The following DNAH8 variants were observed in gnomAD, a reference collection of about 807,000 sequenced individuals.
DNAH8 encodes dynein axonemal heavy chain 8.
Under a neutral mutation model 562.1 loss-of-function variants are expected in DNAH8, and 382 were observed. The observed-to-expected ratio is 0.68, with a 90% CI of 0.63 to 0.74. The LOEUF (loss-of-function observed/expected upper bound fraction) is 0.74. Ranked by LOEUF, DNAH8 falls within the 30% of genes least tolerant of loss-of-function variation. The pLI is 0.00. For missense variants in DNAH8, 5,203 were observed against 5,620.4 expected (o/e 0.93, Z 2.37); for synonymous variants, 1,881 against 1,919.4 (o/e 0.98, Z 0.52).
chr6:38,932,097 T>C, intron 76 of DNAH8, 104 bp downstream of exon 76: 1 of 825,320 alleles, frequency 1.2e-6, no homozygotes, highest in Non-Finnish European at 1.8e-6. Context: ...TTAAAAACCA[T>C]ATTTATCCTT....
chr6:38,737,340 A>G, intron 6 of DNAH8, 84 bp downstream of exon 6: 3 of 834,650 alleles, frequency 3.6e-6, no homozygotes, highest in Non-Finnish European at 3.3e-6. Flanking sequence ...AAAAGTTTCT[A>G]TCTTAAAAGA....
At chr6:38,766,146 T>TGTGTGTGCGTGTGTGTGTGTGA (rs1222635153) in intron 11 of DNAH8, among the ~76,000 whole-genome samples, 1 of 152,122 alleles carries the variant, frequency 6.6e-6, no homozygotes, top group African/African-American at 2.4e-5. Flanking sequence ...TGTATGTGTG[T>TGTGTGTGCGTGTGTGTGTGTGA]GTGTGTGTGT....
chr6:38,953,635 A>C (rs1369389748), intron 82 of DNAH8, among the ~76,000 whole-genome samples: 1 of 152,210 alleles, frequency 6.6e-6, no homozygotes, highest in African/African-American at 2.4e-5. Context: ...TCTACTGCCA[A>C]ATCATTTGAG....
At chr6:38,858,350 T>G (rs938035473) in intron 42 of DNAH8, among the ~76,000 whole-genome samples, 2 of 152,206 alleles carry the variant, frequency 1.3e-5, no homozygotes, top group African/African-American at 2.4e-5. Flanking sequence ...GGTATCTCTT[T>G]CCTTCATCAG....
chr6:38,778,543 T>C, intron 14 of DNAH8, 79 bp downstream of exon 14: 2 of 911,924 alleles, frequency 2.2e-6, no homozygotes, highest in Admixed American at 2.3e-5. Flanking sequence ...AATTAGGATG[T>C]TGTTGGAAAT....
rs373386629 is a variant in DNAH8 at position 38,863,443 on chromosome 6, CAACAAA to C, written c.6311-415_6311-410del. 1.2e-3 allele frequency among the ~76,000 whole-genome samples: 185 copies of C among 151,794 alleles called. 1 individual carries two copies. The highest frequency in any genetic ancestry group is 4.1e-3 in the African/African-American group (171 of 41,438). On this transcript the variant is annotated intron_variant, in intron 44 of 92. Coordinates refer to ENST00000327475, the MANE Select transcript of DNAH8 (RefSeq NM_001206927.2). ...CTCTACCAAAAAAAACAAAACAAAA[CAACAAA>C]AACAAAAACAAAAAACCCCAAAACT...
intron 28 of DNAH8, 34 bp from the exon 29 acceptor site, chr6:38,826,122 A>T: frequency 7.0e-7 from 1 of 1,426,150 alleles, no homozygotes; most frequent in Non-Finnish European, 9.6e-7. Flanking sequence ...AATGCCAGTT[A>T]TATTCTAATT....
rs75966933 is a variant in DNAH8, at chr6:38,803,538, G to C, written c.3034+227G>C. On this transcript the variant is annotated intron_variant, in intron 22 of 92. Transcript: ENST00000327475. ...TCTCAAATCCAAGTTCCCAACCCCG[G>C]TCCAGCGTTGCAAGTTGGCCTTCCT... Among the ~76,000 whole-genome samples the C allele has an allele frequency of 3.9e-3, 589 of 151,504 alleles. 9 individuals carry two copies. Among genetic ancestry groups the C allele is most frequent in the African/African-American group, 0.014 (570 of 41,286 alleles).
rs1370254113 is a variant in DNAH8 at position 38,972,526 on chromosome 6, C to T, written c.12525+861C>T. 2.0e-5 allele frequency among the ~76,000 whole-genome samples: 3 copies of T among 152,254 alleles called. No individual in the cohort carries two copies. The South Asian group carries it at 6.2e-4, about 32-fold the overall frequency. Reference sequence around the variant, plus strand: ...TTTTACTCGGATCAAATGTTTCACTCTATTGAGTGATTTGACAGTTTAACT... The same window carrying T: ...TTTTACTCGGATCAAATGTTTCACTTTATTGAGTGATTTGACAGTTTAACT... On this transcript the variant is annotated intron_variant, in intron 83 of 92. Coordinates refer to ENST00000327475, the MANE Select transcript of DNAH8 (RefSeq NM_001206927.2).
chr6:38,917,902 C>A (rs1781430828), intron 69 of DNAH8, 23 bp from the exon 70 acceptor site: 16 of 1,544,954 alleles, frequency 1.0e-5, no homozygotes, highest in Non-Finnish European at 1.4e-5. Flanking sequence ...CCAGAACTTA[C>A]AGGTTATAAT....
At position 38,787,492 on chromosome 6, in the gene DNAH8, G is replaced by A. The variant is rs557776082; in HGVS notation, c.2583+540G>A. 2.3e-4 allele frequency among the ~76,000 whole-genome samples: 35 copies of A among 152,084 alleles called. No individual in the cohort carries two copies. The South Asian group carries it at 6.9e-3, about 30-fold the overall frequency. Reference sequence around the variant, plus strand: ...TGTAATCCCAGCACTTTGGGAGGCCGAGGTGGGTGGATAACTTGAGGTCAG... The same window carrying A: ...TGTAATCCCAGCACTTTGGGAGGCCAAGGTGGGTGGATAACTTGAGGTCAG... On this transcript the variant is annotated intron_variant, in intron 18 of 92. Transcript: ENST00000327475.
At chr6:38,747,648 G>A (rs1443359559) in intron 8 of DNAH8, among the ~76,000 whole-genome samples, 3 of 152,160 alleles carry the variant, frequency 2.0e-5, no homozygotes, top group Non-Finnish European at 4.4e-5. Flanking sequence ...GCTGCCCAAA[G>A]TGCTGGGATT....
chr6:38,979,880 G>A (rs1341373774), intron 85 of DNAH8, among the ~76,000 whole-genome samples: 2 of 152,158 alleles, frequency 1.3e-5, no homozygotes, highest in Non-Finnish European at 2.9e-5. Context: ...AAAACTAATG[G>A]TATAAATTCT....
chr6:38,775,054 T>C (rs1767930706), intron 12 of DNAH8, among the ~76,000 whole-genome samples: 1 of 152,222 alleles, frequency 6.6e-6, no homozygotes, highest in Non-Finnish European at 1.5e-5. Flanking sequence ...GAAGATTCTC[T>C]GAAAATAGGT....
chr6:38,848,508 A>G (rs1426658312), intron 36 of DNAH8, 140 bp from the exon 37 acceptor site: 2 of 630,558 alleles, frequency 3.2e-6, no homozygotes, highest in Non-Finnish European at 5.5e-6. Flanking sequence ...TATTAGCTGT[A>G]TGATATCTAT....
At chr6:38,889,247 A>G (rs532137623) in intron 57 of DNAH8, among the ~76,000 whole-genome samples, 2 of 152,376 alleles carry the variant, frequency 1.3e-5, no homozygotes, top group Admixed American at 1.3e-4. Context: ...GCCCAGAAAT[A>G]CAATGCTGAA....
At chr6:38,894,892 T>G (rs764268278) in intron 59 of DNAH8, 28 bp downstream of exon 59, 2 of 1,595,032 alleles carry the variant, frequency 1.3e-6, no homozygotes, top group South Asian at 2.3e-5. Context: ...AGAGTTTAAA[T>G]GTATGACCTG....
chr6:38,982,932 CAT>C (rs146059557), intron 86 of DNAH8, among the ~76,000 whole-genome samples: 2,331 of 152,300 alleles, frequency 0.015, 67 homozygotes, highest in East Asian at 0.13. Flanking sequence ...TCAAAGTTCT[CAT>C]GTGTGCAGGA....
At position 38,770,537 on chromosome 6, in the gene DNAH8, C is replaced by A; in HGVS notation, c.1742C>A (p.Ala581Asp). 1 of 1,601,256 alleles carries A rather than the reference C, an allele frequency of 6.2e-7. No homozygotes were observed. ...SEMYIFGKFE[A>D]FCKRLEKITE... ...ATGTATATATTTGGAAAATTTGAAG[C>A]TTTTTGCAAAAGACTGGAGAAGGTA... Residue 581 changes from alanine (A) to aspartate (D), a missense_variant, in exon 12 of 93, where the codon GCT (alanine) becomes GAT (aspartate). Physicochemically the swap from Ala to Asp is moderately radical, Grantham distance 126 (BLOSUM62 -2). Transcript: ENST00000327475.
Sources: gnomAD v4.1 joint callset for allele counts (sites outside exome capture counted in the v4.1 genomes callset) on GRCh38, gnomAD v4.1.1 for gene constraint, MANE v1.5 for transcripts, NCBI Gene and HGNC (gene_info 2026-07-23, HGNC 2026-07-21) for gene names.